Variants in HMCN2 observed in about 807,000 individuals in gnomAD.
HMCN2 encodes hemicentin 2.
In HMCN2, 325 loss-of-function variants were observed where a neutral mutation model predicts 377.5. The ratio of observed to expected loss-of-function variants is 0.86; its 90% CI spans 0.79 to 0.94. The LOEUF (loss-of-function observed/expected upper bound fraction) is 0.94, where lower values mean the gene tolerates loss of function less well. Ranked by LOEUF, HMCN2 falls within the 40% of genes least tolerant of loss-of-function variation. The pLI is 0.00. For missense variants in HMCN2, 4,543 were observed against 4,725.3 expected (o/e 0.96, Z 1.13); for synonymous variants, 2,007 against 2,046.8 (o/e 0.98, Z 0.53).
chr9:130,417,521 C>CAAAA (rs397893236), intron 85 of HMCN2, among the ~76,000 whole-genome samples: 5 of 47,356 alleles, frequency 1.1e-4, no homozygotes, highest in African/African-American at 1.1e-4. Flanking sequence ...GACTCCGTCT[C>CAAAA]AAAAAAAAAA....
intron 83 of HMCN2, among the ~76,000 whole-genome samples, chr9:130,408,121 C>T (rs1843199706): frequency 6.6e-6 from 1 of 152,170 alleles, no homozygotes; most frequent in African/African-American, 2.4e-5. Context: ...AGGAGTAGCA[C>T]AGGAGCCCTC....
In HMCN2 at chr9:130,425,740, C is replaced by T; in HGVS notation, c.13695C>T (p.Ser4565=). The T allele has an allele frequency of 1.3e-6, 2 of 1,550,500 alleles. No homozygotes were observed. Among genetic ancestry groups the T allele is most frequent in the Non-Finnish European group, 1.7e-6 (2 of 1,146,954 alleles). ...GGCCTGGCCAGCTGTTCGTGGGCTC[C>T]ACACAGCGCTTCTTCCAGGGCGGCC... ...QTGPGQLFVG[S]TQRFFQGGLP... The change falls in exon 90 of 98, where the codon TCC becomes TCT. Residue 4565 remains serine, a synonymous_variant. Transcript: ENST00000683500.
At chr9:130,301,778 G>C (rs1267518740) in intron 8 of HMCN2, among the ~76,000 whole-genome samples, 1 of 152,260 alleles carries the variant, frequency 6.6e-6, no homozygotes, top group Non-Finnish European at 1.5e-5. Context: ...CTGCTGGCGG[G>C]GATGGGGAGA....
intron 4 of HMCN2, among the ~76,000 whole-genome samples, chr9:130,289,779 G>A (rs930678336): frequency 3.3e-5 from 5 of 152,140 alleles, no homozygotes; most frequent in Non-Finnish European, 7.4e-5. Context: ...AGTGCCCAGG[G>A]TGCCCAGCTG....
intron 59 of HMCN2, 83 bp downstream of exon 59, chr9:130,384,881 C>T: frequency 1.1e-6 from 1 of 930,964 alleles, no homozygotes; most frequent in South Asian, 1.4e-5. Context: ...AGAACATAGA[C>T]AGGAGAGGGC....
intron 32 of HMCN2, 73 bp downstream of exon 32, chr9:130,355,117 C>T (rs1490060051): frequency 2.7e-5 from 31 of 1,160,254 alleles, no homozygotes; most frequent in East Asian, 1.8e-4. Flanking sequence ...GTGCTTGTCC[C>T]GAGAGAGCTC....
At chr9:130,386,576 C>T in intron 61 of HMCN2, 52 bp downstream of exon 61, 4 of 1,186,822 alleles carry the variant, frequency 3.4e-6, no homozygotes, top group South Asian at 1.3e-5. Flanking sequence ...CTAGCAACAC[C>T]CAGGGCTGCC....
chr9:130,381,963 A>C (rs1382654405), intron 54 of HMCN2, among the ~76,000 whole-genome samples: 2 of 152,118 alleles, frequency 1.3e-5, no homozygotes, highest in Non-Finnish European at 2.9e-5. Context: ...ACAGGCCGAG[A>C]ATGTGCAGCC....
rs199967396 is a variant in HMCN2, at chr9:130,360,787, T to A, written c.5950+183T>A. On this transcript the variant is annotated intron_variant, in intron 38 of 97. Transcript: ENST00000683500. This position sits in a 1 kb window ranked among gnomAD's most constrained non-coding sequence, Gnocchi z 4.7. ...ATCCATCCATCCATCCATCCATCCATCCCACCCATCCATCCACCCATCCAC... is the reference window on the plus strand; with the variant it reads ...ATCCATCCATCCATCCATCCATCCAACCCACCCATCCATCCACCCATCCAC... Among the ~76,000 whole-genome samples, 2 of 132,010 alleles carry A rather than the reference T, an allele frequency of 1.5e-5. No homozygotes were observed. The highest frequency in any genetic ancestry group is 1.7e-5 in the Non-Finnish European group (1 of 60,058). The allele number at this position is 132,010 out of a possible 152,430, so 86.6% of individuals were successfully genotyped here.
intron 32 of HMCN2, among the ~76,000 whole-genome samples, chr9:130,355,371 G>A (rs1697929763): frequency 6.6e-6 from 1 of 152,198 alleles, no homozygotes; most frequent in Non-Finnish European, 1.5e-5. Flanking sequence ...CGGCTTGTGG[G>A]TATGGTCCCA....
In HMCN2 at chr9:130,404,917, G is replaced by C. The variant is rs1346319655; in HGVS notation, c.12197G>C (p.Gly4066Ala). Residue 4066 changes from glycine (G) to alanine (A), a missense_variant, in exon 81 of 98, where the codon GGC (glycine) becomes GCC (alanine). Transcript: ENST00000683500. ...NGLPDLSTTE[G>A]SHAFLPCKAR... ...CTCCCAGACCTGTCCACCACCGAAG[G>C]CTCCCACGCCTTCTTGCCTTGCAAG... 1.6e-6 allele frequency: 2 copies of C among 1,286,576 alleles called. No homozygotes were observed. Among genetic ancestry groups the C allele is most frequent in the African/African-American group, 3.0e-5 (2 of 65,808 alleles). The allele number at this position is 1,286,576 out of a possible 1,614,324, so 79.7% of individuals were successfully genotyped here. A position where few individuals can be genotyped will look rare whatever the true frequency, so the allele number is the denominator to read the frequency against.
chr9:130,379,603 CTG>C, intron 54 of HMCN2, 136 bp downstream of exon 54: 1 of 252,788 alleles, frequency 4.0e-6, no homozygotes, highest in Non-Finnish European at 6.2e-6. Flanking sequence ...AGTTCTTTGC[CTG>C]TGTGAAGGCA....
chr9:130,431,263 G>C, intron 95 of HMCN2, 104 bp from the exon 96 acceptor site: 1 of 1,181,726 alleles, frequency 8.5e-7, no homozygotes, highest in Non-Finnish European at 1.2e-6. Context: ...GAGCAGGGCA[G>C]CTCCAGAGCC....
Position 130,308,824 on chromosome 9 carries a change from G to A in HMCN2, c.2201-1088G>A, listed in dbSNP as rs1297844459. ...TCCTGCTAGGTGGACGCTATTCTAG[G>A]TGAAGTCAGCCAGACACAAAAAGAC... On this transcript the variant is annotated intron_variant, in intron 14 of 97. Transcript: ENST00000683500. The surrounding 1 kb of genome is among the most constrained non-coding windows in gnomAD (Gnocchi z 4.1). 1.3e-5 allele frequency among the ~76,000 whole-genome samples: 2 copies of A among 152,234 alleles called. No individual in the cohort carries two copies.
In HMCN2 at chr9:130,396,026, G is replaced by T. The variant is rs945484310; in HGVS notation, c.11014G>T (p.Ala3672Ser). The change falls in exon 72 of 98, where the codon GCA becomes TCA. Residue 3672 changes from alanine to serine, a missense_variant. This residue lies in a region of HMCN2 where 1,073 missense variants were observed against 1,319.5 expected (regional missense o/e 0.81). Coordinates refer to ENST00000683500, the MANE Select transcript of HMCN2 (RefSeq NM_001291815.2). Reference sequence around the variant, plus strand: ...CTACAGCTGCACAGCCCGCAACGCCGCAGGCAGCACTAGTGTCGCCTTCCG... The same window carrying T: ...CTACAGCTGCACAGCCCGCAACGCCTCAGGCAGCACTAGTGTCGCCTTCCG... ...GDYSCTARNAAGSTSVAFRVE... is the reference protein window; with the variant it reads ...GDYSCTARNASGSTSVAFRVE... 7 of 1,287,030 alleles carry T rather than the reference G, an allele frequency of 5.4e-6. No individual in the cohort carries two copies. The highest frequency in any genetic ancestry group is 3.0e-5 in the African/African-American group (2 of 65,774). The allele number at this position is 1,287,030 out of a possible 1,614,324, so 79.7% of individuals were successfully genotyped here.
intron 15 of HMCN2, among the ~76,000 whole-genome samples, chr9:130,311,325 T>C (rs961425030): frequency 5.3e-5 from 8 of 151,848 alleles, no homozygotes; most frequent in African/African-American, 1.7e-4. Context: ...GATAGGAGGG[T>C]CTGGCCTGGG....
intron 85 of HMCN2, among the ~76,000 whole-genome samples, chr9:130,418,232 A>G (rs1018212694): frequency 6.6e-6 from 1 of 152,338 alleles, no homozygotes; most frequent in South Asian, 2.1e-4. Flanking sequence ...ATGTAACTGC[A>G]TGGAAAGGTA....
chr9:130,408,481 CA>C (rs1290092573), intron 83 of HMCN2, among the ~76,000 whole-genome samples: 1 of 152,234 alleles, frequency 6.6e-6, no homozygotes, highest in Non-Finnish European at 1.5e-5. Context: ...CATCACTAAT[CA>C]ATCACAGCAC....
chr9:130,371,829 G>T (rs920522205), intron 46 of HMCN2, among the ~76,000 whole-genome samples: 1 of 152,216 alleles, frequency 6.6e-6, no homozygotes, highest in African/African-American at 2.4e-5. Flanking sequence ...TAACAGCAGT[G>T]GTGTCCTGTG....
Sources: allele counts gnomAD v4.1 joint callset (sites outside exome capture counted in the v4.1 genomes callset), GRCh38; gene constraint gnomAD v4.1.1; regional missense constraint gnomAD v4.1.1; non-coding constraint Gnocchi (gnomAD v3.1); transcripts MANE v1.5; gene names NCBI Gene and HGNC (gene_info 2026-07-23, HGNC 2026-07-21).